CNBD1: variants seen among roughly 807,000 people sequenced by gnomAD.
CNBD1 encodes cyclic nucleotide-binding domain-containing protein 1.
Under a neutral mutation model 54.4 loss-of-function variants are expected in CNBD1, and 71 were observed. That is an observed-to-expected ratio of 1.30 (90% CI 1.08 to 1.59). The LOEUF (loss-of-function observed/expected upper bound fraction) is 1.59, where lower values mean the gene tolerates loss of function less well. CNBD1 is among the 40% of genes most tolerant of loss of function. CNBD1 has a pLI of 0.00. For missense variants in CNBD1, 659 were observed against 518.0 expected, an observed-to-expected ratio of 1.27 and a Z score of -2.64; for synonymous variants, 182 against 170.7, an observed-to-expected ratio of 1.07 and a Z score of -0.51.
intron 2 of CNBD1, among the ~76,000 whole-genome samples, chr8:87,396,845 C>G (rs193137810): frequency 2.0e-5 from 3 of 147,968 alleles, no homozygotes; most frequent in African/African-American, 7.4e-5. Context: ...CCCCTTCCCT[C>G]TTTGTGACTT....
At chr8:87,155,843 C>A (rs979395811) in intron 4 of CNBD1, among the ~76,000 whole-genome samples, 1 of 152,238 alleles carries the variant, frequency 6.6e-6, no homozygotes, top group Admixed American at 6.5e-5. Context: ...GAATACTACC[C>A]AGTATCAATA....
At chr8:86,998,209 G>GT (rs34866172) in intron 4 of CNBD1, among the ~76,000 whole-genome samples, 7,716 of 142,014 alleles carry the variant, frequency 0.054, 325 homozygotes, top group African/African-American at 0.12. Flanking sequence ...GTGTGTTTCT[G>GT]TTTTTTTTTT....
At position 87,174,141 on chromosome 8, in the gene CNBD1, G is replaced by T. The variant is rs375402981; in HGVS notation, c.432-31852G>T. Reference sequence around the variant, plus strand: ...GCCCAGCTAATTTTTGTATTTTTTAGTAGAGATGGGGTTTCACCATGTTGG... The same window carrying T: ...GCCCAGCTAATTTTTGTATTTTTTATTAGAGATGGGGTTTCACCATGTTGG... On this transcript the variant is annotated intron_variant, in intron 4 of 10. Coordinates refer to ENST00000518476, the MANE Select transcript of CNBD1 (RefSeq NM_173538.3). Among the ~76,000 whole-genome samples the T allele has an allele frequency of 2.0e-5, 3 of 152,042 alleles. No homozygotes were observed. The East Asian group carries it at 5.8e-4, about 30-fold the overall frequency.
chr8:86,942,123 A>T (rs1482045473), intron 4 of CNBD1, among the ~76,000 whole-genome samples: 1 of 152,224 alleles, frequency 6.6e-6, no homozygotes, highest in Non-Finnish European at 1.5e-5. Context: ...CTCTATAAAA[A>T]ATTTGTGATT....
intron 1 of CNBD1, among the ~76,000 whole-genome samples, chr8:86,870,189 C>CTTTTTTTTTTTTTTTTTTTTTTTTTTT (rs71275890): frequency 9.9e-6 from 1 of 100,624 alleles, no homozygotes; most frequent in Non-Finnish European, 1.9e-5. Flanking sequence ...AGATAGTACT[C>CTTTTTTTTTTTTTTTTTTTTTTTTTTT]TTTTTTTTTT....
At chr8:87,116,871 C>G (rs1252897586) in intron 4 of CNBD1, among the ~76,000 whole-genome samples, 2 of 152,156 alleles carry the variant, frequency 1.3e-5, no homozygotes, top group Non-Finnish European at 2.9e-5. Flanking sequence ...CACACACACT[C>G]CCCTTTACCT....
chr8:87,376,166 T>A (rs1008832938), intron 10 of CNBD1, among the ~76,000 whole-genome samples: 2 of 151,948 alleles, frequency 1.3e-5, no homozygotes, highest in African/African-American at 4.8e-5. Context: ...ACTGCTTCAA[T>A]GCATTACCAT....
At chr8:87,394,980 C>T (rs937782999) in intron 2 of CNBD1, among the ~76,000 whole-genome samples, 3 of 151,756 alleles carry the variant, frequency 2.0e-5, no homozygotes, top group Non-Finnish European at 2.9e-5. Flanking sequence ...TAAAGTAAAA[C>T]GATAGTGTTT....
intron 8 of CNBD1, among the ~76,000 whole-genome samples, chr8:87,331,545 T>C (rs764785225): frequency 1.3e-4 from 20 of 152,308 alleles, no homozygotes; most frequent in Admixed American, 1.0e-3. Flanking sequence ...ATCTTTATAA[T>C]AGAATGATTT....
chr8:87,418,201 T>A (rs932875233), intron 2 of CNBD1, among the ~76,000 whole-genome samples: 15 of 152,074 alleles, frequency 9.9e-5, no homozygotes, highest in Non-Finnish European at 1.6e-4. Flanking sequence ...ACATATGGGC[T>A]AATAGAATAA....
intron 3 of CNBD1, among the ~76,000 whole-genome samples, chr8:86,920,208 G>A (rs1490941397): frequency 1.3e-5 from 2 of 152,128 alleles, no homozygotes; most frequent in Non-Finnish European, 2.9e-5. Context: ...TGCACTTAAT[G>A]TGCATAGCAT....
At chr8:87,241,463 G>A (rs578106728) in intron 6 of CNBD1, among the ~76,000 whole-genome samples, 3 of 151,852 alleles carry the variant, frequency 2.0e-5, no homozygotes, top group South Asian at 4.2e-4. Flanking sequence ...TAGTAGAGAC[G>A]GGGTTTCACC....
intron 5 of CNBD1, among the ~76,000 whole-genome samples, chr8:87,211,209 T>C (rs1814090868): frequency 6.6e-6 from 1 of 152,200 alleles, no homozygotes; most frequent in Non-Finnish European, 1.5e-5. Context: ...AATGGGAATG[T>C]TTTTCCATTG....
At chr8:87,205,614 C>A (rs1813956070) in intron 4 of CNBD1, among the ~76,000 whole-genome samples, 1 of 152,068 alleles carries the variant, frequency 6.6e-6, no homozygotes, top group East Asian at 1.9e-4. Context: ...ACAGTGGAAA[C>A]AACATTAATC....
At chr8:87,327,261 G>A (rs1304326889) in intron 8 of CNBD1, among the ~76,000 whole-genome samples, 2 of 148,602 alleles carry the variant, frequency 1.3e-5, no homozygotes, top group Non-Finnish European at 3.0e-5. Context: ...CTTTTTGTTT[G>A]TCTGTGCCCT....
At chr8:87,111,985 G>A in intron 4 of CNBD1, among the ~76,000 whole-genome samples, 1 of 152,142 alleles carries the variant, frequency 6.6e-6, no homozygotes, top group East Asian at 1.9e-4. Context: ...TTTCAAAAAT[G>A]TTGGTACCTC....
At chr8:87,017,206 A>T (rs186415013) in intron 4 of CNBD1, among the ~76,000 whole-genome samples, 254 of 152,328 alleles carry the variant, frequency 1.7e-3, no homozygotes, top group Non-Finnish European at 3.1e-3. Context: ...TATAAAATGT[A>T]AGATGTTTAA....
downstream of CNBD1, among the ~76,000 whole-genome samples, chr8:87,386,938 G>GT (rs1269346452): frequency 6.6e-6 from 1 of 152,220 alleles, no homozygotes; most frequent in Non-Finnish European, 1.5e-5. Flanking sequence ...CCAGAAGAGA[G>GT]TGGGGGCCAA....
chr8:87,264,433 A>G (rs562715880), intron 6 of CNBD1, among the ~76,000 whole-genome samples: 1 of 152,214 alleles, frequency 6.6e-6, no homozygotes, highest in African/African-American at 2.4e-5. Context: ...AGTCTTTGCT[A>G]TTGTGAATAG....
Sources: gnomAD v4.1 joint callset for allele counts (sites outside exome capture counted in the v4.1 genomes callset) on GRCh38, gnomAD v4.1.1 for gene constraint, MANE v1.5 for transcripts, NCBI Gene and HGNC (gene_info 2026-07-23, HGNC 2026-07-21) for gene names.